Variants in RHPN2 observed in about 807,000 individuals in gnomAD.
RHPN2 encodes the protein rhophilin Rho GTPase binding protein 2, also known as rhophilin-2.
In RHPN2, 40 loss-of-function variants were observed where a neutral mutation model predicts 79.0. That is an observed-to-expected ratio of 0.51 (90% CI 0.39 to 0.66). RHPN2 has a LOEUF of 0.66. Ranked by LOEUF, RHPN2 falls within the 30% of genes least tolerant of loss-of-function variation. The pLI is 0.00. For synonymous variants in RHPN2, 285 were observed against 363.5 expected (o/e 0.78, Z 2.46); for missense variants, 686 against 883.5 (o/e 0.78, Z 2.83).
intron 14 of RHPN2, among the ~76,000 whole-genome samples, chr19:32,989,593 AC>A (rs1451070206): frequency 2.0e-5 from 3 of 152,096 alleles, no homozygotes; most frequent in African/African-American, 7.2e-5. Context: ...TATTTTTTTC[AC>A]TATGAGTATG....
chr19:33,059,431 T>G (rs531880023), intron 1 of RHPN2, among the ~76,000 whole-genome samples: 1 of 152,102 alleles, frequency 6.6e-6, no homozygotes, highest in African/African-American at 2.4e-5. Flanking sequence ...CCCGAGTAGC[T>G]GGGATCACAG....
At chr19:33,007,929 C>T (rs1971805786) in intron 7 of RHPN2, 85 bp downstream of exon 7, 7 of 1,452,030 alleles carry the variant, frequency 4.8e-6, no homozygotes, top group Non-Finnish European at 5.8e-6. Context: ...CGAGGGATGA[C>T]CTGTAGATTC....
intron 14 of RHPN2, among the ~76,000 whole-genome samples, chr19:32,989,073 G>A (rs1365961686): frequency 1.3e-5 from 2 of 152,152 alleles, no homozygotes; most frequent in Admixed American, 6.5e-5. Flanking sequence ...AGAGGAGAAC[G>A]TCATTAAGTA....
At position 32,996,197 on chromosome 19, in the gene RHPN2, T is replaced by A; in HGVS notation, c.1249A>T (p.Met417Leu). ...CGCACCGACTCCTCGTGATGAGCCA[T>A]GGCTCTGCGCAAGTGGGACTTCCCT... is the stretch of plus-strand genomic sequence containing the variant. Reference protein sequence around the residue: ...QLGKSHLRRAMAHHEESVREA... With the variant: ...QLGKSHLRRALAHHEESVREA... The change falls in exon 11 of 15, where the codon ATG (methionine) becomes TTG (leucine). Residue 417 changes from methionine to leucine, a missense_variant. By Grantham distance (15) the Met-to-Leu change is conservative. Coordinates refer to ENST00000254260, the MANE Select transcript of RHPN2 (RefSeq NM_033103.5). 6.2e-7 allele frequency: 1 copy of A among 1,614,174 alleles called. No homozygotes were observed. Among genetic ancestry groups the A allele is most frequent in the Non-Finnish European group, 8.5e-7 (1 of 1,180,046 alleles).
At chr19:33,019,235 A>G (rs1191398473) in intron 4 of RHPN2, among the ~76,000 whole-genome samples, 7 of 151,520 alleles carry the variant, frequency 4.6e-5, no homozygotes, top group African/African-American at 1.7e-4. Context: ...GCTTGAACCC[A>G]GGAGTTTGAG....
chr19:33,005,360 C>T (rs1971781544), intron 7 of RHPN2, among the ~76,000 whole-genome samples: 1 of 146,524 alleles, frequency 6.8e-6, no homozygotes, highest in Admixed American at 7.0e-5. Flanking sequence ...CTGCAGTGAG[C>T]CGAGATCTCG....
intron 14 of RHPN2, among the ~76,000 whole-genome samples, chr19:32,988,950 C>G (rs1322205215): frequency 6.6e-6 from 1 of 152,196 alleles, no homozygotes; most frequent in African/African-American, 2.4e-5. Context: ...AGCTCTGACA[C>G]CTAAGAGAGT....
intron 2 of RHPN2, among the ~76,000 whole-genome samples, chr19:33,033,608 C>T (rs970108814): frequency 1.2e-4 from 18 of 151,624 alleles, no homozygotes; most frequent in African/African-American, 4.4e-4. Context: ...GTGGCTCACA[C>T]GTATAATACT....
rs371338528 is a variant in RHPN2, at chr19:33,001,647, C to T, written c.1105+600G>A. The stretch of plus-strand genomic sequence containing the variant: ...TTTGAGATGGAGTCTTGCTCTGTCA[C>T]CCAGGCTGGAGTGCAGTGGCACAAT... On this transcript the variant is annotated intron_variant, in intron 9 of 14. Transcript: ENST00000254260. Among the ~76,000 whole-genome samples, 42 of 152,184 alleles carry T rather than the reference C, an allele frequency of 2.8e-4. No individual in the cohort carries two copies. In the South Asian group the frequency reaches 8.5e-3, roughly 31 times the overall value.
intron 2 of RHPN2, among the ~76,000 whole-genome samples, chr19:33,031,783 G>C (rs1311738332): frequency 6.6e-6 from 1 of 151,934 alleles, no homozygotes; most frequent in African/African-American, 2.4e-5. Context: ...ACGGGTTCCA[G>C]TGATTCTCCT....
intron 2 of RHPN2, among the ~76,000 whole-genome samples, chr19:33,028,448 T>G (rs1317767049): frequency 6.6e-6 from 1 of 152,204 alleles, no homozygotes; most frequent in African/African-American, 2.4e-5. Flanking sequence ...TGAGCCACTG[T>G]GCCTGGCCAA....
At chr19:32,989,331 ACTC>A (rs1971636757) in intron 14 of RHPN2, among the ~76,000 whole-genome samples, 1 of 151,920 alleles carries the variant, frequency 6.6e-6, no homozygotes, top group African/African-American at 2.4e-5. Flanking sequence ...CTGGTCTTCA[ACTC>A]CTGACTTCAA....
intron 11 of RHPN2, among the ~76,000 whole-genome samples, chr19:32,995,059 G>A (rs1264667743): frequency 2.6e-5 from 4 of 152,082 alleles, no homozygotes; most frequent in African/African-American, 2.4e-5. Flanking sequence ...CTGGGATACC[G>A]TGCTTTCTGT....
intron 9 of RHPN2, among the ~76,000 whole-genome samples, chr19:33,000,901 A>G (rs747042166): frequency 4.6e-5 from 7 of 152,174 alleles, no homozygotes; most frequent in Non-Finnish European, 8.8e-5. Flanking sequence ...TCACCGAGGC[A>G]CTATATGGTA....
chr19:33,021,928 A>G (rs541503909), intron 3 of RHPN2, among the ~76,000 whole-genome samples: 14 of 151,824 alleles, frequency 9.2e-5, no homozygotes, highest in Admixed American at 5.3e-4. Flanking sequence ...CAATGCCTCA[A>G]TGGTTCCTTT....
At chr19:33,029,357 T>A (rs1034093270) in intron 2 of RHPN2, among the ~76,000 whole-genome samples, 1 of 151,516 alleles carries the variant, frequency 6.6e-6, no homozygotes, top group Non-Finnish European at 1.5e-5. Context: ...AAACCCTGTC[T>A]CTACTAAAAA....
At position 32,979,695 on chromosome 19, in the gene RHPN2, T is replaced by C. The variant is rs1971557740; in HGVS notation, c.*301A>G. 1 of 368,348 alleles carries C rather than the reference T, an allele frequency of 2.7e-6. No homozygotes were observed. Among genetic ancestry groups the C allele is most frequent in the Non-Finnish European group, 5.0e-6 (1 of 199,416 alleles). The allele number at this position is 368,348 out of a possible 1,614,324, so 22.8% of individuals were successfully genotyped here. A position where few individuals can be genotyped will look rare whatever the true frequency, so the allele number is the denominator to read the frequency against. On this transcript the variant is annotated 3_prime_UTR_variant, in exon 15 of 15. Coordinates refer to ENST00000254260, the MANE Select transcript of RHPN2 (RefSeq NM_033103.5). Reference sequence around the variant, plus strand: ...CCAATTTAATAGTGACTAAAAGTCATAATTGTCACCATTAAAAATAGCCAT... The same window carrying C: ...CCAATTTAATAGTGACTAAAAGTCACAATTGTCACCATTAAAAATAGCCAT...
chr19:33,056,733 T>C (rs968271491), intron 1 of RHPN2, among the ~76,000 whole-genome samples: 9 of 151,974 alleles, frequency 5.9e-5, no homozygotes, highest in East Asian at 5.8e-4. Context: ...AGAAAAAATA[T>C]AGTGAGAAGC....
At chr19:33,022,416 C>T (rs1322316348) in intron 3 of RHPN2, among the ~76,000 whole-genome samples, 1 of 152,128 alleles carries the variant, frequency 6.6e-6, no homozygotes, top group Non-Finnish European at 1.5e-5. Context: ...GCTGTGGAAG[C>T]TCTCCAATAC....
Sources: gnomAD v4.1 joint callset for allele counts (sites outside exome capture counted in the v4.1 genomes callset) on GRCh38, gnomAD v4.1.1 for gene constraint, MANE v1.5 for transcripts, NCBI Gene and HGNC (gene_info 2026-07-23, HGNC 2026-07-21) for gene names.